Variants in ZNF37A observed in about 807,000 individuals in gnomAD.
ZNF37A encodes the protein zinc finger protein 37a (KOX 21).
In ZNF37A, 10 loss-of-function variants were observed where a neutral mutation model predicts 12.3. The ratio of observed to expected loss-of-function variants is 0.82; its 90% CI spans 0.50 to 1.38. The LOEUF (loss-of-function observed/expected upper bound fraction) is 1.38. Ranked by LOEUF, ZNF37A falls within the 40% of genes most tolerant of loss-of-function variation. ZNF37A has a pLI of 0.00. For synonymous variants in ZNF37A, 207 were observed against 223.0 expected, an observed-to-expected ratio of 0.93 and a Z score of 0.64; for missense variants, 580 against 651.2, an observed-to-expected ratio of 0.89 and a Z score of 1.19.
At chr10:38,134,726 G>T (rs1021209063) in intron 7 of ZNF37A, among the ~76,000 whole-genome samples, 2 of 152,152 alleles carry the variant, frequency 1.3e-5, no homozygotes, top group African/African-American at 4.8e-5. Flanking sequence ...CTCCCAGTTA[G>T]GCCACTCAGG....
At chr10:38,131,824 A>AT (rs1373017246) in intron 7 of ZNF37A, among the ~76,000 whole-genome samples, 1 of 152,024 alleles carries the variant, frequency 6.6e-6, no homozygotes, top group Non-Finnish European at 1.5e-5. Flanking sequence ...GCATTTTATC[A>AT]TTTTTAGTAT....
At chr10:38,096,958 A>G (rs1414872781) in intron 5 of ZNF37A, among the ~76,000 whole-genome samples, 1 of 152,246 alleles carries the variant, frequency 6.6e-6, no homozygotes, top group East Asian at 1.9e-4. Context: ...ATGAGGGCAG[A>G]GTTGACTGGT....
intron 7 of ZNF37A, chr10:38,117,099 ACT>A (rs1395999012): frequency 2.4e-6 from 2 of 824,632 alleles, no homozygotes; most frequent in Non-Finnish European, 2.9e-6. Context: ...ACAGAGCAAG[ACT>A]CTGTCTCAAA....
At chr10:38,148,767 T>C (rs1470485140) in exon 8 of ZNF37A, 2 of 152,222 alleles carry the variant, frequency 1.3e-5, no homozygotes, top group Non-Finnish European at 2.9e-5. Flanking sequence ...GGCTTCATTA[T>C]GGCCATCAAT....
At position 38,122,588 on chromosome 10, in the gene ZNF37A, T is replaced by C. The variant is rs565454865; in HGVS notation, c.*3751T>C. 2.0e-5 allele frequency: 3 copies of C among 152,272 alleles called. No homozygotes were observed. The highest frequency in any genetic ancestry group is 7.2e-5 in the African/African-American group (3 of 41,548). The allele number at this position is 152,272 out of a possible 1,614,324, so 9.4% of individuals were successfully genotyped here. A position where few individuals can be genotyped will look rare whatever the true frequency, so the allele number is the denominator to read the frequency against. Reference sequence around the variant, plus strand: ...AGAACATACACTGGGGAAAAGATAATGTCTTTAATAAATGGTGCTGGGAAA... The same window carrying C: ...AGAACATACACTGGGGAAAAGATAACGTCTTTAATAAATGGTGCTGGGAAA... On this transcript the variant is annotated 3_prime_UTR_variant, in exon 8 of 8. Transcript: ENST00000685332.
chr10:38,096,974 C>T (rs1287154075), intron 5 of ZNF37A, among the ~76,000 whole-genome samples: 1 of 152,172 alleles, frequency 6.6e-6, no homozygotes, highest in Non-Finnish European at 1.5e-5. Flanking sequence ...CTGGTTGCAG[C>T]AGAGACTGTA....
At chr10:38,146,061 T>C (rs994772181) in intron 7 of ZNF37A, among the ~76,000 whole-genome samples, 3 of 152,144 alleles carry the variant, frequency 2.0e-5, no homozygotes, top group Non-Finnish European at 2.9e-5. Flanking sequence ...GATCATACCA[T>C]TGCACTCCAG....
At chr10:38,113,192 T>C (rs938157768) in intron 5 of ZNF37A, among the ~76,000 whole-genome samples, 5 of 151,192 alleles carry the variant, frequency 3.3e-5, no homozygotes, top group African/African-American at 1.2e-4. Flanking sequence ...GAATGCTCTT[T>C]TTTTAGTCTG....
rs2069585016 is a variant in ZNF37A, at chr10:38,119,804, T to A, written c.*967T>A. On this transcript the variant is annotated 3_prime_UTR_variant, in exon 8 of 8. Transcript: ENST00000685332. Reference sequence around the variant, plus strand: ...ATGTCCAGAAGAAAGAGAAAGACCATCAATCAGGGGCCATAGTACAGGAGC... The same window carrying A: ...ATGTCCAGAAGAAAGAGAAAGACCAACAATCAGGGGCCATAGTACAGGAGC... 1 of 152,098 alleles carries A rather than the reference T, an allele frequency of 6.6e-6. No individual in the cohort carries two copies. The highest frequency in any genetic ancestry group is 2.4e-5 in the African/African-American group (1 of 41,422). The allele number at this position is 152,098 out of a possible 1,614,324, so 9.4% of individuals were successfully genotyped here.
At chr10:38,113,205 A>ATTTTTTTTTTTTTTTTT (rs71007697) in intron 5 of ZNF37A, among the ~76,000 whole-genome samples, 1 of 75,832 alleles carries the variant, frequency 1.3e-5, no homozygotes, top group African/African-American at 5.5e-5. Context: ...TTAGTCTGTG[A>ATTTTTTTTTTTTTTTTT]TTTTTTTTTT....
chr10:38,098,524 G>T (rs1220410035), intron 5 of ZNF37A, among the ~76,000 whole-genome samples: 7 of 152,254 alleles, frequency 4.6e-5, no homozygotes, highest in African/African-American at 1.7e-4. Flanking sequence ...ACACTTTGGG[G>T]AGTGTTATCA....
downstream of ZNF37A, among the ~76,000 whole-genome samples, chr10:38,129,319 A>AAAAAAAAAAC: frequency 7.3e-4 from 85 of 115,850 alleles, 2 homozygotes; most frequent in African/African-American, 1.0e-3. Context: ...AAAAAAAAAA[A>AAAAAAAAAAC]AAACTATTAT....
chr10:38,142,575 G>A (rs1258157147), intron 7 of ZNF37A: 2 of 152,206 alleles, frequency 1.3e-5, no homozygotes, highest in African/African-American at 4.8e-5. Context: ...CCCTGAGCAT[G>A]GCCCCTGAGC....
downstream of ZNF37A, among the ~76,000 whole-genome samples, chr10:38,129,318 A>G (rs1313526773): frequency 6.7e-6 from 1 of 148,630 alleles, no homozygotes; most frequent in Admixed American, 6.7e-5. Context: ...AAAAAAAAAA[A>G]AAAACTATTA....
chr10:38,101,745 G>A (rs536942038), intron 5 of ZNF37A, among the ~76,000 whole-genome samples: 10 of 151,588 alleles, frequency 6.6e-5, no homozygotes, highest in South Asian at 4.2e-4. Context: ...TGTATCTAAC[G>A]AGAGTGTCTT....
intron 5 of ZNF37A, among the ~76,000 whole-genome samples, chr10:38,112,788 TTCTTTTCTTGTCTTG>T (rs1314357021): frequency 1.8e-5 from 2 of 111,346 alleles, no homozygotes; most frequent in Non-Finnish European, 3.9e-5. Context: ...TTCTTTTCTT[TTCTTTTCTTGTCTTG>T]TCTTGTCTTC....
At chr10:38,140,943 C>T (rs2070173612) in intron 7 of ZNF37A, 1 of 152,118 alleles carries the variant, frequency 6.6e-6, no homozygotes, top group African/African-American at 2.4e-5. Context: ...AAGGAAGAGA[C>T]TAATCTTTCC....
intron 7 of ZNF37A, among the ~76,000 whole-genome samples, chr10:38,133,281 A>T (rs1237505312): frequency 1.3e-5 from 2 of 152,180 alleles, no homozygotes; most frequent in Admixed American, 6.5e-5. Context: ...AATTACTGGT[A>T]ACACAGGGCT....
At chr10:38,096,763 G>C in intron 5 of ZNF37A, 131 bp downstream of exon 5, 2 of 805,326 alleles carry the variant, frequency 2.5e-6, no homozygotes, top group South Asian at 4.1e-5. Flanking sequence ...ACATTTCATG[G>C]GTCAAATGCA....
Sources: allele counts gnomAD v4.1 joint callset (sites outside exome capture counted in the v4.1 genomes callset), GRCh38; gene constraint gnomAD v4.1.1; transcripts MANE v1.5; gene names NCBI Gene and HGNC (gene_info 2026-07-23, HGNC 2026-07-21).